The following PIEZO1 variants were observed in gnomAD, a reference collection of about 807,000 sequenced individuals.
PIEZO1 encodes the protein piezo type mechanosensitive ion channel component 1 (Er blood group), also known as piezo-type mechanosensitive ion channel component 1.
PIEZO1 carries 296 observed loss-of-function variants against 297.2 expected under a neutral mutation model. The observed-to-expected ratio is 1.00, with a 90% CI of 0.91 to 1.10. The LOEUF is 1.10. Ranked by LOEUF, PIEZO1 falls within the 50% of genes least tolerant of loss-of-function variation. The pLI, the probability that PIEZO1 is intolerant of heterozygous loss-of-function variation, is 0.00. For synonymous variants in PIEZO1, 2,427 were observed against 1,507.5 expected, an observed-to-expected ratio of 1.61 and a Z score of -14.13; for missense variants, 5,018 against 3,455.5, an observed-to-expected ratio of 1.45 and a Z score of -11.34.
In PIEZO1 at chr16:88,741,604, C is replaced by A; in HGVS notation, c.339G>T (p.Lys113Asn). The stretch of plus-strand genomic sequence containing the variant: ...CCAGCCGGATGGCGTTGGGGATGTC[C>A]TTCAGGTCCAGCCTGCGGAGAGCAG... ...RHIGVTRLDL[K>N]DIPNAIRLVA... The change falls in exon 5 of 51, where the codon AAG (lysine) becomes AAT (asparagine). Residue 113 changes from lysine (K) to asparagine (N), a missense_variant. Transcript: ENST00000301015. 2 of 1,535,230 alleles carry A rather than the reference C, an allele frequency of 1.3e-6. No individual in the cohort carries two copies. Among genetic ancestry groups the A allele is most frequent in the South Asian group, 2.4e-5 (2 of 84,034 alleles).
In PIEZO1 at chr16:88,735,070, G is replaced by C. The variant is rs758785770; in HGVS notation, c.1670-17C>G. The C allele has an allele frequency of 1.4e-5, 21 of 1,550,176 alleles. No homozygotes were observed. The highest frequency in any genetic ancestry group is 2.4e-5 in the East Asian group (1 of 40,928). ...GCGTGGGCTCTGTGGGCCAAGCCAG[G>C]GGCAGGCGATGGCATCAGGGCGGGC... On this transcript the variant is annotated splice_polypyrimidine_tract_variant and intron_variant, in intron 13 of 50. Coordinates refer to ENST00000301015, the MANE Select transcript of PIEZO1 (RefSeq NM_001142864.4).
In PIEZO1 at chr16:88,764,982, G is replaced by A. The variant is rs191062996; in HGVS notation, c.65-15503C>T. On this transcript the variant is annotated intron_variant, in intron 1 of 50. Transcript: ENST00000301015. ...CCGGTAGCCGCCTCTCAGGAGCACT[G>A]CCTTCTCAACACAGCTACCTGGCCC... Among the ~76,000 whole-genome samples the A allele has an allele frequency of 1.9e-4, 29 of 152,314 alleles. No individual in the cohort carries two copies. The East Asian group carries it at 5.2e-3, about 27-fold the overall frequency.
chr16:88,729,401 C>A (rs373937328), intron 22 of PIEZO1, among the ~76,000 whole-genome samples: 13 of 78,256 alleles, frequency 1.7e-4, no homozygotes, highest in South Asian at 6.2e-4. Flanking sequence ...ACCTCGCGAC[C>A]CAAAAACAAA....
In PIEZO1 at chr16:88,721,752, G is replaced by A. The variant is rs770227450; in HGVS notation, c.5215-26C>T. On this transcript the variant is annotated intron_variant, in intron 37 of 50. Transcript: ENST00000301015. Reference sequence around the variant, plus strand: ...CTGTGGGGGAGGGGGCTCAGCACGCGGGGAGGGTCACGGCGCGGTGGGCCG... The same window carrying A: ...CTGTGGGGGAGGGGGCTCAGCACGCAGGGAGGGTCACGGCGCGGTGGGCCG... 3.8e-4 allele frequency: 577 copies of A among 1,535,310 alleles called. 5 individuals are homozygous for A. In the Admixed American group the frequency reaches 9.4e-3, roughly 25 times the overall value.
At chr16:88,766,162 A>G (rs890609410) in intron 1 of PIEZO1, among the ~76,000 whole-genome samples, 2 of 152,196 alleles carry the variant, frequency 1.3e-5, no homozygotes, top group Non-Finnish European at 2.9e-5. Flanking sequence ...TCAAACGCCA[A>G]TCGCAATTTG....
intron 1 of PIEZO1, among the ~76,000 whole-genome samples, chr16:88,759,857 G>C (rs1567688691): frequency 6.6e-6 from 1 of 152,190 alleles, no homozygotes; most frequent in African/African-American, 2.4e-5. Flanking sequence ...GCCAGCACAG[G>C]AGCCTTGGAC....
rs563135818 is a variant in PIEZO1 at position 88,737,461 on chromosome 16, C to T, written c.1195+98G>A. On this transcript the variant is annotated intron_variant, in intron 10 of 50. Coordinates refer to ENST00000301015, the MANE Select transcript of PIEZO1 (RefSeq NM_001142864.4). The stretch of plus-strand genomic sequence containing the variant: ...GAGGGGGCGGCAGGCAGAGGTGCGG[C>T]GCGAGCATGCGAGAGCGCCAGGCGG... 482 of 795,802 alleles carry T rather than the reference C, an allele frequency of 6.1e-4. 1 individual carries two copies. Among genetic ancestry groups the T allele is most frequent in the Non-Finnish European group, 8.7e-4 (445 of 512,678 alleles). The allele number at this position is 795,802 out of a possible 1,614,324, so 49.3% of individuals were successfully genotyped here.
At position 88,749,451 on chromosome 16, in the gene PIEZO1, C is replaced by A; in HGVS notation, c.93G>T (p.Ser31=). 6.6e-7 allele frequency: 1 copy of A among 1,523,772 alleles called. No homozygotes were observed. Among genetic ancestry groups the A allele is most frequent in the Non-Finnish European group, 8.8e-7 (1 of 1,142,100 alleles). The allele number at this position is 1,523,772 out of a possible 1,614,324, so 94.4% of individuals were successfully genotyped here. Residue 31 remains serine, a synonymous_variant, in exon 2 of 51, where the codon TCG becomes TCT. Transcript: ENST00000301015. ...GCAGCAGGAAGAGCAGGTAGACCAG[C>A]GAGAGTCCGCTGAAGCGGAGCAGGC... is the stretch of plus-strand genomic sequence containing the variant. The part of the protein sequence containing the change: ...AACLLRFSGL[S]LVYLLFLLLL...
At chr16:88,739,606 G>C (rs918529925) in intron 5 of PIEZO1, 1 of 152,348 alleles carries the variant, frequency 6.6e-6, no homozygotes, top group Non-Finnish European at 1.5e-5. Context: ...ACAGCCTCTC[G>C]GAGCCTATTC....
intron 29 of PIEZO1, 78 bp downstream of exon 29, chr16:88,725,338 G>T: frequency 1.1e-6 from 1 of 922,500 alleles, no homozygotes; most frequent in Non-Finnish European, 1.6e-6. Context: ...CGTCACATGG[G>T]CACAGACGCA....
In PIEZO1 at chr16:88,734,448, C is replaced by T; in HGVS notation, c.2088G>A (p.Leu696=). 4 of 1,549,978 alleles carry T rather than the reference C, an allele frequency of 2.6e-6. No homozygotes were observed. Among genetic ancestry groups the T allele is most frequent in the African/African-American group, 2.7e-5 (2 of 73,160 alleles). ...AGGGCCTGTGGAAGTAGTGCAGCTG[C>T]AGGATGCAGGCCAGGAGGAAGAAGC... The part of the protein sequence containing the change: ...VPGFFLLACI[L]QLHYFHRPFM... Residue 696 remains leucine, a synonymous_variant, in exon 16 of 51, where the codon CTG becomes CTA. Transcript: ENST00000301015.
chr16:88,725,333 C>A lies in PIEZO1; in HGVS notation c.4162+83G>T, dbSNP rs957840411. ...GGGCTGGGAGCCCTGTGGGACGTCACATGGGCACAGACGCAGCACACGCCA... is the reference window on the plus strand; with the variant it reads ...GGGCTGGGAGCCCTGTGGGACGTCAAATGGGCACAGACGCAGCACACGCCA... On this transcript the variant is annotated intron_variant, in intron 29 of 50. Coordinates refer to ENST00000301015, the MANE Select transcript of PIEZO1 (RefSeq NM_001142864.4). The A allele has an allele frequency of 7.7e-6, 7 of 903,506 alleles. No homozygotes were observed. In the African/African-American group the frequency reaches 1.2e-4, roughly 15 times the overall value. 56.0% of individuals were successfully genotyped at this position (903,506 alleles called of 1,614,324 possible). A position where few individuals can be genotyped will look rare whatever the true frequency, so the allele number is the denominator to read the frequency against.
chr16:88,726,574 C>G lies in PIEZO1; in HGVS notation c.3769G>C (p.Val1257Leu), dbSNP rs1324718535. 1.3e-6 allele frequency: 2 copies of G among 1,549,978 alleles called. No individual in the cohort carries two copies. The highest frequency in any genetic ancestry group is 1.4e-5 in the African/African-American group (1 of 73,002). The change falls in exon 26 of 51, where the codon GTA becomes CTA. Residue 1257 changes from valine (V) to leucine (L), a missense_variant. Val to Leu is a conservative substitution (Grantham distance 32). Coordinates refer to ENST00000301015, the MANE Select transcript of PIEZO1 (RefSeq NM_001142864.4). ...FCWVIQLFSL[V>L]CTVKGYYDPK... ...TCATAGTAGCCCTTGACGGTGCATA[C>G]AAGGCTGAAGAGCTGGATGACCCAG...
chr16:88,735,306 G>A, intron 12 of PIEZO1, 60 bp from the exon 13 acceptor site: 1 of 1,234,040 alleles, frequency 8.1e-7, no homozygotes, highest in East Asian at 2.5e-5. Flanking sequence ...CCCACAGCCG[G>A]GGGACCCAGC....
chr16:88,719,118 GGAT>G (rs1219307547), intron 44 of PIEZO1: 4 of 193,886 alleles, frequency 2.1e-5, no homozygotes, highest in Non-Finnish European at 4.3e-5. Context: ...TACAGTGCTG[GGAT>G]GATAGGGGTG....
chr16:88,726,297 G>T lies in PIEZO1; in HGVS notation c.3955C>A (p.Leu1319Met). The T allele has an allele frequency of 6.5e-7, 1 of 1,549,118 alleles. No individual in the cohort carries two copies. The change falls in exon 27 of 51, where the codon CTG becomes ATG. Residue 1319 changes from leucine (L) to methionine (M), a missense_variant. Coordinates refer to ENST00000301015, the MANE Select transcript of PIEZO1 (RefSeq NM_001142864.4). ...HVRADLQATA[L>M]LASRGFALYN... Reference sequence around the variant, plus strand: ...GCCCAAGCTTGCCTGGAGGCTAGCAGGGCGGTGGCCTGGAGGTCGGCCCTG... The same window carrying T: ...GCCCAAGCTTGCCTGGAGGCTAGCATGGCGGTGGCCTGGAGGTCGGCCCTG...
At chr16:88,719,154 T>G in intron 44 of PIEZO1, 2 of 194,818 alleles carry the variant, frequency 1.0e-5, no homozygotes, top group Non-Finnish European at 2.1e-5. Flanking sequence ...CGGCCCGGGG[T>G]TTCTTTTTGA....
intron 15 of PIEZO1, 36 bp downstream of exon 15, chr16:88,734,614 C>T (rs749533056): frequency 3.2e-5 from 50 of 1,549,178 alleles, no homozygotes; most frequent in Admixed American, 2.9e-4. Flanking sequence ...CACGGGGTTT[C>T]GGCGCCCCTG....
Position 88,755,076 on chromosome 16 carries a change from G to GC in PIEZO1, c.65-5598dup, listed in dbSNP as rs111665278. ...CCGCCGCGGCCATCACGTCACCGCC[G>GC]CCCCCAGTGCAGGCACGGGGCTGGG... On this transcript the variant is annotated intron_variant, in intron 1 of 50. Transcript: ENST00000301015. Among the ~76,000 whole-genome samples the GC allele has an allele frequency of 9.0e-3, 1,378 of 152,296 alleles. 24 individuals are homozygous for GC. Among genetic ancestry groups the GC allele is most frequent in the African/African-American group, 0.03 (1,256 of 41,562 alleles).
Sources: allele counts gnomAD v4.1 joint callset (sites outside exome capture counted in the v4.1 genomes callset), GRCh38; gene constraint gnomAD v4.1.1; transcripts MANE v1.5; gene names NCBI Gene and HGNC (gene_info 2026-07-23, HGNC 2026-07-21).